Variants in HGD observed in about 807,000 individuals in gnomAD.
HGD encodes the protein homogentisate 1,2-dioxygenase.
A neutral mutation model predicts 60.8 loss-of-function variants in HGD; 61 were observed. That is an observed-to-expected ratio of 1.00 (90% confidence interval 0.82 to 1.24). The LOEUF is 1.24. Ranked by LOEUF, HGD falls within the 50% of genes most tolerant of loss-of-function variation. The probability of loss-of-function intolerance (pLI) is 0.00; values close to 1 mark genes in which losing one functional copy is unlikely to be tolerated. For synonymous variants in HGD, 212 were observed against 187.7 expected, an observed-to-expected ratio of 1.13 and a Z score of -1.06; for missense variants, 542 against 547.1, an observed-to-expected ratio of 0.99 and a Z score of 0.09.
chr3:120,646,925 C>T (rs772952806), intron 8 of HGD, 48 bp downstream of exon 8: 1 of 1,430,294 alleles, frequency 7.0e-7, no homozygotes, highest in Non-Finnish European at 9.9e-7. Flanking sequence ...CATCTGACTG[C>T]TCCCAAATTA....
Position 120,628,276 on chromosome 3 carries a change from A to C in HGD, c.*104T>G. 7.6e-7 allele frequency: 1 copy of C among 1,318,950 alleles called. No homozygotes were observed. Among genetic ancestry groups the C allele is most frequent in the Non-Finnish European group, 1.1e-6 (1 of 918,106 alleles). The allele number at this position is 1,318,950 out of a possible 1,614,324, so 81.7% of individuals were successfully genotyped here. A position where few individuals can be genotyped will look rare whatever the true frequency, so the allele number is the denominator to read the frequency against. Reference sequence around the variant, plus strand: ...TGAGTTACTTGACTATGAAAAGTGAATTTTCATTTTAACCAACCCCCTCCT... The same window carrying C: ...TGAGTTACTTGACTATGAAAAGTGACTTTTCATTTTAACCAACCCCCTCCT... On this transcript the variant is annotated 3_prime_UTR_variant, in exon 14 of 14. Coordinates refer to ENST00000283871, the MANE Select transcript of HGD (RefSeq NM_000187.4).
intron 6 of HGD, among the ~76,000 whole-genome samples, chr3:120,649,853 A>T (rs1941283391): frequency 2.0e-5 from 3 of 151,244 alleles, no homozygotes; most frequent in African/African-American, 7.3e-5. Flanking sequence ...AAACTGAGAC[A>T]GGTAAGAGGG....
intron 4 of HGD, among the ~76,000 whole-genome samples, chr3:120,657,843 G>A (rs1245813504): frequency 6.6e-6 from 1 of 151,922 alleles, no homozygotes; most frequent in South Asian, 2.1e-4. Context: ...GAGAGAAAGA[G>A]AGAGAGAAAG....
chr3:120,669,917 T>G (rs1253181744), intron 4 of HGD, among the ~76,000 whole-genome samples: 1 of 152,190 alleles, frequency 6.6e-6, no homozygotes, highest in East Asian at 1.9e-4. Flanking sequence ...ATATCATTTG[T>G]CTGTGTCTCA....
At chr3:120,657,909 G>A (rs1276529614) in intron 4 of HGD, among the ~76,000 whole-genome samples, 3 of 152,136 alleles carry the variant, frequency 2.0e-5, no homozygotes, top group Admixed American at 6.5e-5. Context: ...CAGATCTCAT[G>A]AGAACTCACT....
In HGD at chr3:120,644,322, T is replaced by G; in HGVS notation, c.771A>C (p.Lys257Asn). ...CCTGCCAACCCTTTTACTTTACCTG[T>G]TTGGCAGCAAACAGCTTGCCCTGGT... ...NKYQGKLFAA[K>N]QDVSPFNVVA... The change falls in exon 10 of 14, where the codon AAA (lysine) becomes AAC (asparagine). Residue 257 changes from lysine to asparagine, a missense_variant. Lys to Asn is a moderately conservative substitution (Grantham distance 94, BLOSUM62 0). Transcript: ENST00000283871. 1 of 1,614,094 alleles carries G rather than the reference T, an allele frequency of 6.2e-7. No individual in the cohort carries two copies. Among genetic ancestry groups the G allele is most frequent in the Non-Finnish European group, 8.5e-7 (1 of 1,179,992 alleles).
At chr3:120,630,606 C>T (rs1940554932) in intron 13 of HGD, among the ~76,000 whole-genome samples, 1 of 151,770 alleles carries the variant, frequency 6.6e-6, no homozygotes, top group Non-Finnish European at 1.5e-5. Flanking sequence ...CTTCCATACA[C>T]CATATAGAAA....
At chr3:120,674,005 T>A (rs981178677) in intron 3 of HGD, among the ~76,000 whole-genome samples, 3 of 152,202 alleles carry the variant, frequency 2.0e-5, no homozygotes, top group Non-Finnish European at 4.4e-5. Flanking sequence ...GTGGCCATGA[T>A]TAAACCTTGC....
intron 13 of HGD, among the ~76,000 whole-genome samples, chr3:120,631,191 T>C (rs1346341287): frequency 2.0e-5 from 3 of 151,956 alleles, no homozygotes; most frequent in Admixed American, 6.6e-5. Context: ...TCAGTTTACC[T>C]ATATAACAAA....
At chr3:120,681,357 C>T (rs1272926573) in intron 1 of HGD, among the ~76,000 whole-genome samples, 2 of 152,198 alleles carry the variant, frequency 1.3e-5, no homozygotes, top group African/African-American at 4.8e-5. Flanking sequence ...ATTCTGTTTT[C>T]CTTGCCTTAA....
intron 4 of HGD, among the ~76,000 whole-genome samples, chr3:120,668,530 G>A (rs1707951937): frequency 6.6e-6 from 1 of 151,886 alleles, no homozygotes; most frequent in African/African-American, 2.4e-5. Context: ...GGGGAGAGAG[G>A]GAGGAGAGAG....
At chr3:120,659,940 G>C (rs915497866) in intron 4 of HGD, among the ~76,000 whole-genome samples, 1 of 127,724 alleles carries the variant, frequency 7.8e-6, no homozygotes, top group Admixed American at 7.8e-5. Flanking sequence ...GAGCAAGAGA[G>C]AGTGGGGGGT....
chr3:120,658,878 G>A (rs1044782011), intron 4 of HGD, among the ~76,000 whole-genome samples: 15 of 152,328 alleles, frequency 9.8e-5, no homozygotes, highest in East Asian at 7.7e-4. Context: ...CCTTTGAAGC[G>A]GTGCTTGGAT....
chr3:120,647,369 G>T (rs1273868727), intron 7 of HGD, among the ~76,000 whole-genome samples: 1 of 152,138 alleles, frequency 6.6e-6, no homozygotes, highest in African/African-American at 2.4e-5. Flanking sequence ...CCAGTGAAAG[G>T]CTGACATTTG....
intron 6 of HGD, among the ~76,000 whole-genome samples, chr3:120,650,008 A>G (rs1941290302): frequency 6.6e-6 from 1 of 152,228 alleles, no homozygotes; most frequent in Admixed American, 6.5e-5. Flanking sequence ...GAATGAGGAA[A>G]GACAAGGAGA....
At chr3:120,635,244 G>A (rs575788148) in intron 12 of HGD, among the ~76,000 whole-genome samples, 18 of 151,992 alleles carry the variant, frequency 1.2e-4, no homozygotes, top group Non-Finnish European at 2.1e-4. Flanking sequence ...TTGGGAGGCC[G>A]AGGCGGGTGG....
chr3:120,632,418 C>T (rs1940619249), intron 13 of HGD, among the ~76,000 whole-genome samples: 2 of 152,164 alleles, frequency 1.3e-5, no homozygotes, highest in African/African-American at 2.4e-5. Context: ...AATCAAGCAC[C>T]GCAGCCAGCT....
intron 4 of HGD, among the ~76,000 whole-genome samples, chr3:120,656,992 T>G (rs923147226): frequency 1.3e-5 from 2 of 152,250 alleles, no homozygotes; most frequent in Non-Finnish European, 2.9e-5. Context: ...AAAAAACTTT[T>G]TTTCCAATCC....
At chr3:120,637,924 G>C (rs1940834448) in intron 12 of HGD, among the ~76,000 whole-genome samples, 1 of 152,160 alleles carries the variant, frequency 6.6e-6, no homozygotes, top group South Asian at 2.1e-4. Flanking sequence ...CAGTGTTGGA[G>C]GTGGGGCCTG....
Sources: allele counts gnomAD v4.1 joint callset (sites outside exome capture counted in the v4.1 genomes callset), GRCh38; gene constraint gnomAD v4.1.1; transcripts MANE v1.5; gene names NCBI Gene and HGNC (gene_info 2026-07-23, HGNC 2026-07-21).